The following RBFOX2 variants were observed in gnomAD, a reference collection of about 807,000 sequenced individuals.
The protein encoded by RBFOX2 is RNA binding protein fox-1 homolog 2.
RBFOX2 carries 10 observed loss-of-function variants against 49.1 expected under a neutral mutation model. The ratio of observed to expected loss-of-function variants is 0.20; its 90% CI spans 0.13 to 0.35. RBFOX2 has a LOEUF of 0.35. RBFOX2 is among the 10% of genes least tolerant of loss of function. The probability of loss-of-function intolerance (pLI) is 1.00; values close to 1 mark genes in which losing one functional copy is unlikely to be tolerated. For synonymous variants in RBFOX2, 183 were observed against 187.4 expected (o/e 0.98, Z 0.19); for missense variants, 323 against 486.9 (o/e 0.66, Z 3.17).
intron 1 of RBFOX2, among the ~76,000 whole-genome samples, chr22:35,977,676 C>T (rs1047820382): frequency 1.5e-5 from 2 of 133,908 alleles, no homozygotes; most frequent in African/African-American, 5.6e-5. Context: ...AGAAATGTAG[C>T]CTTAAAAGAA....
chr22:35,972,399 C>T (rs1391720494), intron 1 of RBFOX2, among the ~76,000 whole-genome samples: 5 of 150,518 alleles, frequency 3.3e-5, no homozygotes, highest in East Asian at 2.0e-4. Context: ...CGCTTATATT[C>T]GTTTCTGTAA....
chr22:35,947,672 TA>T (rs559788717), intron 1 of RBFOX2, among the ~76,000 whole-genome samples: 5,671 of 34,212 alleles, frequency 0.17, 344 homozygotes, highest in African/African-American at 0.34. Flanking sequence ...GTTTAAAAAG[TA>T]AAAAAAAAAA....
chr22:35,909,701 TC>T (rs1048077195), intron 1 of RBFOX2, among the ~76,000 whole-genome samples: 7 of 152,186 alleles, frequency 4.6e-5, no homozygotes, highest in Non-Finnish European at 1.0e-4. Flanking sequence ...AACCTCCGCT[TC>T]CCGGATTCAA....
chr22:35,830,957 G>A (rs1956676625), intron 1 of RBFOX2, among the ~76,000 whole-genome samples: 1 of 152,086 alleles, frequency 6.6e-6, no homozygotes, highest in Non-Finnish European at 1.5e-5. Context: ...GATCCATCAT[G>A]ACCTGCTAGA....
chr22:35,768,501 TA>T (rs1296602973), intron 4 of RBFOX2, 152 bp from the exon 6 acceptor site: 1 of 609,876 alleles, frequency 1.6e-6, no homozygotes, highest in Non-Finnish European at 2.9e-6. Flanking sequence ...GGTCCATGCA[TA>T]TTTGTAAAGG....
chr22:35,863,645 G>A (rs560217784), intron 1 of RBFOX2, among the ~76,000 whole-genome samples: 2 of 152,252 alleles, frequency 1.3e-5, no homozygotes, highest in African/African-American at 4.8e-5. Flanking sequence ...CCTTGGGTTA[G>A]CACTAGCCCC....
intron 1 of RBFOX2, among the ~76,000 whole-genome samples, chr22:36,012,807 C>G (rs1209240237): frequency 6.6e-6 from 1 of 151,828 alleles, no homozygotes; most frequent in Non-Finnish European, 1.5e-5. Context: ...CTCTGTCACC[C>G]GGGCTGGAGT....
At chr22:35,777,705 T>A (rs1205110601) in intron 4 of RBFOX2, 2 of 282,648 alleles carry the variant, frequency 7.1e-6, no homozygotes, top group Admixed American at 9.4e-5. Flanking sequence ...TTTGCACTTT[T>A]CCTTTAAACG....
At chr22:36,020,087 A>C (rs1456672173) in intron 1 of RBFOX2, among the ~76,000 whole-genome samples, 1 of 152,226 alleles carries the variant, frequency 6.6e-6, no homozygotes, top group Non-Finnish European at 1.5e-5. Flanking sequence ...CTCAGAAATA[A>C]TACCACACAT....
intron 1 of RBFOX2, among the ~76,000 whole-genome samples, chr22:36,021,962 G>T (rs1449141792): frequency 6.6e-6 from 1 of 152,176 alleles, no homozygotes; most frequent in African/African-American, 2.4e-5. Flanking sequence ...AACACCAAAT[G>T]TACTCACCAT....
intron 4 of RBFOX2, among the ~76,000 whole-genome samples, chr22:35,769,573 CA>C (rs1490428379): frequency 6.6e-6 from 1 of 152,152 alleles, no homozygotes; most frequent in Non-Finnish European, 1.5e-5. Context: ...CTTATATCTG[CA>C]AAGTGGTAAA....
chr22:35,884,000 C>CTTTTTTT (rs34644201), intron 1 of RBFOX2, among the ~76,000 whole-genome samples: 27 of 62,668 alleles, frequency 4.3e-4, no homozygotes, highest in Admixed American at 9.7e-4. Context: ...GTAGTTATCT[C>CTTTTTTT]TTTTTTTTTT....
chr22:35,744,422 G>A (rs1003492378), intron 11 of RBFOX2, among the ~76,000 whole-genome samples, 173 bp from the exon 14 acceptor site: 2 of 152,130 alleles, frequency 1.3e-5, no homozygotes, highest in Non-Finnish European at 2.9e-5. Context: ...CTTCTAAGGT[G>A]CTCAGACCAG....
upstream of RBFOX2, among the ~76,000 whole-genome samples, chr22:35,843,513 T>A (rs545488300): frequency 6.6e-6 from 1 of 152,324 alleles, no homozygotes; most frequent in Admixed American, 6.5e-5. Context: ...GAAATTTACC[T>A]TACTGAAGTC....
chr22:35,808,765 C>T (rs1951237876), intron 2 of RBFOX2, among the ~76,000 whole-genome samples: 2 of 152,124 alleles, frequency 1.3e-5, no homozygotes, highest in Admixed American at 6.6e-5. Flanking sequence ...AGGAGGATCA[C>T]TTGAGCCCAG....
chr22:35,928,236 G>A (rs1189057715), intron 1 of RBFOX2, among the ~76,000 whole-genome samples: 1 of 152,138 alleles, frequency 6.6e-6, no homozygotes, highest in Non-Finnish European at 1.5e-5. Context: ...ATATGTGTGT[G>A]TGTCTGTGTC....
chr22:35,877,771 C>T (rs1454165174), intron 1 of RBFOX2, among the ~76,000 whole-genome samples: 1 of 152,032 alleles, frequency 6.6e-6, no homozygotes, highest in Non-Finnish European at 1.5e-5. Flanking sequence ...GTACAAAGCA[C>T]TGGTCCCTGC....
intron 2 of RBFOX2, among the ~76,000 whole-genome samples, chr22:35,790,730 A>C (rs2147472727): frequency 6.6e-6 from 1 of 152,306 alleles, no homozygotes; most frequent in African/African-American, 2.4e-5. Flanking sequence ...TTTCATAATT[A>C]AAAGTTTTGG....
rs116173534 is a variant in RBFOX2 at position 35,877,587 on chromosome 22, C to T, written c.-34+61260G>A. Among the ~76,000 whole-genome samples the T allele has an allele frequency of 2.6e-3, 393 of 152,170 alleles. 4 individuals are homozygous for T. Among genetic ancestry groups the T allele is most frequent in the African/African-American group, 9.2e-3 (383 of 41,520 alleles). On this transcript the variant is annotated intron_variant, in intron 1 of 13. Transcript: ENST00000359369. ...TATGCACCAAGAACTGTTCTGAGAG[C>T]GTTACATGGCTCAAAACAACCCTCT...
Sources: allele counts gnomAD v4.1 joint callset (sites outside exome capture counted in the v4.1 genomes callset), GRCh38; gene constraint gnomAD v4.1.1; transcripts MANE v1.5; gene names NCBI Gene and HGNC (gene_info 2026-07-23, HGNC 2026-07-21).